Variants in CFAP46 observed in about 807,000 individuals in gnomAD.
The protein encoded by CFAP46 is cilia and flagella associated protein 46.
CFAP46 carries 245 observed loss-of-function variants against 325.7 expected under a neutral mutation model. That is an observed-to-expected ratio of 0.75 (90% CI 0.68 to 0.84). CFAP46 has a LOEUF of 0.84. Ranked by LOEUF, CFAP46 falls within the 40% of genes least tolerant of loss-of-function variation. The probability of loss-of-function intolerance (pLI) is 0.00; values close to 1 mark genes in which losing one functional copy is unlikely to be tolerated. For missense variants in CFAP46, 3,346 were observed against 3,543.0 expected (o/e 0.94, Z 1.41); for synonymous variants, 1,523 against 1,495.9 (o/e 1.02, Z -0.42).
chr10:132,843,186 AGAGGACACTATGTCCTG>A (rs1438679367), intron 44 of CFAP46, among the ~76,000 whole-genome samples: 1 of 152,242 alleles, frequency 6.6e-6, no homozygotes, highest in Non-Finnish European at 1.5e-5. Flanking sequence ...GGGATGCTGC[AGAGGACACTATGTCCTG>A]GAGGCTGCGT....
At chr10:132,911,642 A>G (rs1849542199) in intron 19 of CFAP46, among the ~76,000 whole-genome samples, 1 of 152,234 alleles carries the variant, frequency 6.6e-6, no homozygotes, top group Non-Finnish European at 1.5e-5. Context: ...ACACTTCTGC[A>G]GCATCTGTCA....
Position 132,814,261 on chromosome 10 carries a change from G to A in CFAP46, c.7286-7C>T. 1 of 1,606,122 alleles carries A rather than the reference G, an allele frequency of 6.2e-7. No homozygotes were observed. The highest frequency in any genetic ancestry group is 1.1e-5 in the South Asian group (1 of 90,754). Reference sequence around the variant, plus strand: ...GAGACAGGAGTTAGCATTTCTGCAAGGAGAACAGGGTGGATACAGACCACG... The same window carrying A: ...GAGACAGGAGTTAGCATTTCTGCAAAGAGAACAGGGTGGATACAGACCACG... On this transcript the variant is annotated splice_polypyrimidine_tract_variant and splice_region_variant and intron_variant, in intron 53 of 57. Coordinates refer to ENST00000368586, the MANE Select transcript of CFAP46 (RefSeq NM_001200049.3).
chr10:132,860,676 C>A, intron 36 of CFAP46, 106 bp downstream of exon 36: 1 of 1,298,678 alleles, frequency 7.7e-7, no homozygotes, highest in South Asian at 1.4e-5. Flanking sequence ...TGGATCCAGG[C>A]GTGTCATCAG....
In CFAP46 at chr10:132,847,629, AT is replaced by A; in HGVS notation, c.5953-309del. ...GTCACGTGGGCCTGGAATCCAACAC[AT>A]TCCCAGGGGGCTCTCGTTCCTGTCC... On this transcript the variant is annotated intron_variant, in intron 41 of 57. Transcript: ENST00000368586. The surrounding 1 kb of genome is among the most constrained non-coding windows in gnomAD (Gnocchi z 5.2). 6.6e-6 allele frequency among the ~76,000 whole-genome samples: 1 copy of A among 152,012 alleles called. No homozygotes were observed.
rs1408871223 is a variant in CFAP46 at position 132,869,931 on chromosome 10, T to C, written c.4512-559A>G. Among the ~76,000 whole-genome samples, 1 of 152,234 alleles carries C rather than the reference T, an allele frequency of 6.6e-6. No individual in the cohort carries two copies. The highest frequency in any genetic ancestry group is 1.5e-5 in the Non-Finnish European group (1 of 68,044). On this transcript the variant is annotated intron_variant, in intron 32 of 57. Coordinates refer to ENST00000368586, the MANE Select transcript of CFAP46 (RefSeq NM_001200049.3). This position sits in a 1 kb window ranked among gnomAD's most constrained non-coding sequence, Gnocchi z 6.2. ...GGCGCCTCCATTTATCAAACTGTGC[T>C]GTATTGCGCTGCTCAGATGTTGCAT...
At chr10:132,927,495 T>C (rs1849830095) in intron 9 of CFAP46, among the ~76,000 whole-genome samples, 1 of 152,202 alleles carries the variant, frequency 6.6e-6, no homozygotes, top group Non-Finnish European at 1.5e-5. Context: ...CAGTCCTGCA[T>C]GTCTGGGCCT....
rs1475474497 is a variant in CFAP46 at position 132,836,803 on chromosome 10, A to C, written c.6536+14T>G. 1 of 1,610,726 alleles carries C rather than the reference A, an allele frequency of 6.2e-7. No homozygotes were observed. Among genetic ancestry groups the C allele is most frequent in the African/African-American group, 1.3e-5 (1 of 74,972 alleles). ...CGGGCTGGGGGCGGCCTCAACAAGA[A>C]GGAGCGGCTTTACCTGTCCCCTGAG... On this transcript the variant is annotated intron_variant, in intron 45 of 57. Transcript: ENST00000368586.
chr10:132,936,191 C>CAT (rs1850001691), intron 7 of CFAP46, among the ~76,000 whole-genome samples: 1 of 82,414 alleles, frequency 1.2e-5, no homozygotes, highest in Admixed American at 1.3e-4. Context: ...TCCCCTCAGC[C>CAT]CCCAAACACA....
intron 31 of CFAP46, 102 bp from the exon 32 acceptor site, chr10:132,872,926 CAT>C (rs375512368): frequency 0.012 from 15,953 of 1,323,430 alleles, 208 homozygotes; most frequent in Middle Eastern, 0.054. Context: ...CATGCCAGCA[CAT>C]GTCTGCACAC....
chr10:132,922,438 G>A (rs1204516137), intron 12 of CFAP46, 42 bp downstream of exon 12: 10 of 1,507,000 alleles, frequency 6.6e-6, no homozygotes, highest in Non-Finnish European at 8.0e-6. Flanking sequence ...CCCCATGCTG[G>A]GGCTGCAGCA....
chr10:132,825,403 A>G (rs117400613), intron 50 of CFAP46, among the ~76,000 whole-genome samples: 2,988 of 152,272 alleles, frequency 0.02, 48 homozygotes, highest in Non-Finnish European at 0.032. Flanking sequence ...ATTTCTTACC[A>G]TCTACAGACA....
chr10:132,837,964 C>CACGCACGTGTACACAGAT (rs1564773044), intron 44 of CFAP46, among the ~76,000 whole-genome samples: 25 of 152,156 alleles, frequency 1.6e-4, no homozygotes, highest in African/African-American at 5.5e-4. Context: ...TGTACACAGA[C>CACGCACGTGTACACAGAT]GCACACACTC....
Position 132,919,746 on chromosome 10 carries a change from G to A in CFAP46, c.1731-304C>T, listed in dbSNP as rs113331458. Among the ~76,000 whole-genome samples the A allele has an allele frequency of 5.9e-5, 9 of 152,118 alleles. No individual in the cohort carries two copies. The highest frequency in any genetic ancestry group is 1.2e-4 in the Non-Finnish European group (8 of 67,946). ...GGACAGGCCTCCCGGGGATGGTACCGACCGCAGGGTCGGTACCAAAAATCA... is the reference window on the plus strand; with the variant it reads ...GGACAGGCCTCCCGGGGATGGTACCAACCGCAGGGTCGGTACCAAAAATCA... On this transcript the variant is annotated intron_variant, in intron 14 of 57. Coordinates refer to ENST00000368586, the MANE Select transcript of CFAP46 (RefSeq NM_001200049.3). The surrounding 1 kb of genome is among the most constrained non-coding windows in gnomAD (Gnocchi z 9.7).
Position 132,934,738 on chromosome 10 carries a change from A to G in CFAP46, c.866+14T>C, listed in dbSNP as rs1849965388. ...ATTATGAAGATGTGATATTGGAAAA[A>G]TACAAACACTTACTTTTCTTCACTG... On this transcript the variant is annotated intron_variant, in intron 8 of 57. Transcript: ENST00000368586. 6.6e-7 allele frequency: 1 copy of G among 1,509,292 alleles called. No homozygotes were observed. Among genetic ancestry groups the G allele is most frequent in the East Asian group, 2.3e-5 (1 of 44,328 alleles). 93.5% of individuals were successfully genotyped at this position (1,509,292 alleles called of 1,614,324 possible).
chr10:132,868,800 A>G (rs1409093664), intron 33 of CFAP46, among the ~76,000 whole-genome samples: 1 of 152,256 alleles, frequency 6.6e-6, no homozygotes, highest in Non-Finnish European at 1.5e-5. Flanking sequence ...ATCATAGCAC[A>G]GAAGTATTTC....
intron 24 of CFAP46, among the ~76,000 whole-genome samples, chr10:132,895,905 T>C (rs1419340416): frequency 1.4e-5 from 2 of 144,698 alleles, no homozygotes; most frequent in African/African-American, 2.6e-5. Context: ...GTGTGCCACA[T>C]GAAGACACGG....
chr10:132,937,533 T>C lies in CFAP46; in HGVS notation c.660+19A>G. 1 of 1,613,072 alleles carries C rather than the reference T, an allele frequency of 6.2e-7. No individual in the cohort carries two copies. Among genetic ancestry groups the C allele is most frequent in the Admixed American group, 1.7e-5 (1 of 59,958 alleles). On this transcript the variant is annotated intron_variant, in intron 6 of 57. Transcript: ENST00000368586. ...AGAAAATTACTTCTTACGTCTCTATTTCTAATACGCTGATTTACCATAACA... is the reference window on the plus strand; with the variant it reads ...AGAAAATTACTTCTTACGTCTCTATCTCTAATACGCTGATTTACCATAACA...
intron 26 of CFAP46, 35 bp from the exon 27 acceptor site, chr10:132,885,321 A>T: frequency 6.6e-7 from 1 of 1,518,232 alleles, no homozygotes; most frequent in South Asian, 1.3e-5. Flanking sequence ...CAACGTCAGG[A>T]TCGGGTGGCA....
At chr10:132,907,759 G>T (rs1418625850) in intron 22 of CFAP46, among the ~76,000 whole-genome samples, 1 of 152,184 alleles carries the variant, frequency 6.6e-6, no homozygotes, top group African/African-American at 2.4e-5. Flanking sequence ...GCCTTTGAGG[G>T]GGGTTGGATC....
Sources: allele counts gnomAD v4.1 joint callset (sites outside exome capture counted in the v4.1 genomes callset), GRCh38; gene constraint gnomAD v4.1.1; non-coding constraint Gnocchi (gnomAD v3.1); transcripts MANE v1.5; gene names NCBI Gene and HGNC (gene_info 2026-07-23, HGNC 2026-07-21).